The following CEP164 variants were observed in gnomAD, a reference collection of about 807,000 sequenced individuals.
CEP164 encodes centrosomal protein of 164 kDa.
A neutral mutation model predicts 182.7 loss-of-function variants in CEP164; 162 were observed. That is an observed-to-expected ratio of 0.89 (90% CI 0.78 to 1.01). The LOEUF is 1.01. Among genes scored for constraint, CEP164 ranks in the 50% least tolerant of loss-of-function variants. The probability of loss-of-function intolerance (pLI) is 0.00; values close to 1 mark genes in which losing one functional copy is unlikely to be tolerated. For synonymous variants in CEP164, 661 were observed against 690.0 expected (o/e 0.96, Z 0.66); for missense variants, 1,735 against 1,790.4 (o/e 0.97, Z 0.56).
At chr11:117,395,909 C>A in intron 24 of CEP164, 145 bp from the exon 25 acceptor site, 1 of 1,242,608 alleles carries the variant, frequency 8.0e-7, no homozygotes, top group Non-Finnish European at 1.1e-6. Context: ...AGCAGGGGAT[C>A]TCTGGTGCTA....
intron 5 of CEP164, chr11:117,355,510 TG>T: frequency 7.8e-7 from 1 of 1,287,924 alleles, no homozygotes; most frequent in South Asian, 1.2e-5. Context: ...CCACTGGCCC[TG>T]GAGGGGACAA....
chr11:117,348,721 A>G (rs1227235706), intron 4 of CEP164, among the ~76,000 whole-genome samples: 3 of 152,182 alleles, frequency 2.0e-5, no homozygotes, highest in African/African-American at 4.8e-5. Context: ...TTGCATGGCT[A>G]TCACTACCAT....
At chr11:117,387,124 T>A in intron 14 of CEP164, 79 bp from the exon 15 acceptor site, 2 of 1,275,924 alleles carry the variant, frequency 1.6e-6, no homozygotes, top group Non-Finnish European at 2.3e-6. Context: ...TCTGTGATGT[T>A]CCGTATCCAT....
At chr11:117,355,426 A>C in intron 5 of CEP164, 1 of 1,289,820 alleles carries the variant, frequency 7.8e-7, no homozygotes, top group Non-Finnish European at 1.0e-6. Flanking sequence ...CTGTCCACTC[A>C]AAGCTTTCTG....
In CEP164 at chr11:117,380,628, G is replaced by T; in HGVS notation, c.1332G>T (p.Leu444=). ...CTCTCCTACAGGCCCAGCAACCACT[G>T]GGAATAGAAGACAAGGATGACAGCC... ...GGACRQAQQP[L]GIEDKDDSQS... Residue 444 remains leucine (L), a synonymous_variant, in exon 12 of 33, where the codon CTG becomes CTT. Coordinates refer to ENST00000278935, the MANE Select transcript of CEP164 (RefSeq NM_014956.5). 6.2e-7 allele frequency: 1 copy of T among 1,603,484 alleles called. No homozygotes were observed. The highest frequency in any genetic ancestry group is 2.2e-5 in the East Asian group (1 of 44,586).
chr11:117,383,685 G>T (rs978489899), intron 14 of CEP164, among the ~76,000 whole-genome samples: 4 of 152,150 alleles, frequency 2.6e-5, no homozygotes, highest in African/African-American at 9.7e-5. Context: ...GGAAACTGAG[G>T]CTCAGAGAAG....
At chr11:117,361,429 A>G (rs923739996) in intron 5 of CEP164, among the ~76,000 whole-genome samples, 6 of 151,250 alleles carry the variant, frequency 4.0e-5, no homozygotes. Context: ...TTTAGTAGAG[A>G]CAGGGTTTCA....
chr11:117,386,575 T>C (rs950151719), intron 14 of CEP164: 70 of 153,110 alleles, frequency 4.6e-4, no homozygotes, highest in African/African-American at 1.6e-3. Context: ...CTCATGTGCA[T>C]GCTTGCTACA....
chr11:117,401,938 A>T (rs972096824), intron 27 of CEP164, among the ~76,000 whole-genome samples: 1 of 151,908 alleles, frequency 6.6e-6, no homozygotes, highest in African/African-American at 2.4e-5. Context: ...GGATTGATTG[A>T]TTTTTTTAAA....
chr11:117,356,999 G>A (rs1018431632), intron 5 of CEP164, among the ~76,000 whole-genome samples: 1 of 152,190 alleles, frequency 6.6e-6, no homozygotes, highest in Non-Finnish European at 1.5e-5. Flanking sequence ...TGATTCTAGA[G>A]AGAGGTCCTT....
rs1317701069 is a variant in CEP164 at position 117,402,475 on chromosome 11, TCCCAAAGTGTTGGGATTACAG to T, written c.3501+5166_3501+5186del. Among the ~76,000 whole-genome samples the T allele has an allele frequency of 7.2e-5, 11 of 152,304 alleles. No individual in the cohort carries two copies. The South Asian group carries it at 2.3e-3, about 32-fold the overall frequency. ...ACCTCATGATCCTCCTGGCTCGGCC[TCCCAAAGTGTTGGGATTACAG>T]CCCTGAGCCACCACACCCAGCCTTG... On this transcript the variant is annotated intron_variant, in intron 27 of 32. Transcript: ENST00000278935.
Position 117,411,092 on chromosome 11 carries a change from C to G in CEP164, c.4163+198C>G, listed in dbSNP as rs1042350432. 5.2e-6 allele frequency: 3 copies of G among 572,042 alleles called. No homozygotes were observed. The African/African-American group carries it at 5.6e-5, about 11-fold the overall frequency. 35.4% of individuals were successfully genotyped at this position (572,042 alleles called of 1,614,324 possible). The stretch of plus-strand genomic sequence containing the variant: ...TCCATGACCAGGGGAAAGTCAAGTT[C>G]ACACCGCCAAGGTCCCAGTGGGGAA... On this transcript the variant is annotated intron_variant, in intron 31 of 32. Transcript: ENST00000278935. The surrounding 1 kb of genome is among the most constrained non-coding windows in gnomAD (Gnocchi z 4.4).
chr11:117,412,018 G>A (rs2047412002), intron 32 of CEP164, 54 bp from the exon 33 acceptor site: 1 of 1,611,610 alleles, frequency 6.2e-7, no homozygotes, highest in Non-Finnish European at 8.5e-7. Flanking sequence ...ACCCTTTCAT[G>A]GCCCCTGCCT....
In CEP164 at chr11:117,394,226, G is replaced by C; in HGVS notation, c.2617-124G>C. The C allele has an allele frequency of 1.0e-5, 13 of 1,301,740 alleles. No individual in the cohort carries two copies. Among genetic ancestry groups the C allele is most frequent in the Non-Finnish European group, 1.3e-5 (12 of 947,196 alleles). The allele number at this position is 1,301,740 out of a possible 1,614,324, so 80.6% of individuals were successfully genotyped here. A position where few individuals can be genotyped will look rare whatever the true frequency, so the allele number is the denominator to read the frequency against. ...TAACCCTCCTCTTCTCCAAGAGCTG[G>C]CTTTAGGGAGCCGATGGTGTCCCTG... On this transcript the variant is annotated intron_variant, in intron 20 of 32. Transcript: ENST00000278935. This position sits in a 1 kb window ranked among gnomAD's most constrained non-coding sequence, Gnocchi z 4.0.
intron 30 of CEP164, chr11:117,410,369 T>C (rs2047215594): frequency 6.6e-6 from 2 of 301,750 alleles, no homozygotes; most frequent in Admixed American, 4.8e-5. Context: ...TTCTCTGAGG[T>C]AGTAATTATT....
At chr11:117,380,503 C>G in intron 11 of CEP164, 111 bp from the exon 12 acceptor site, 1 of 817,606 alleles carries the variant, frequency 1.2e-6, no homozygotes, top group South Asian at 1.6e-5. Flanking sequence ...GTCCCATCTT[C>G]TGGAGAGCAA....
chr11:117,412,417 G>A lies in CEP164; in HGVS notation c.*249G>A, dbSNP rs1217932296. On this transcript the variant is annotated 3_prime_UTR_variant, in exon 33 of 33. Transcript: ENST00000278935. Reference sequence around the variant, plus strand: ...TTGACATGGCAAGCTGATGGCGTGCGGTGGCTGCGGGGTATCAGGGCCGGG... The same window carrying A: ...TTGACATGGCAAGCTGATGGCGTGCAGTGGCTGCGGGGTATCAGGGCCGGG... 1.4e-5 allele frequency: 5 copies of A among 368,642 alleles called. No homozygotes were observed. The highest frequency in any genetic ancestry group is 5.5e-5 in the East Asian group (1 of 18,292). 22.8% of individuals were successfully genotyped at this position (368,642 alleles called of 1,614,324 possible). A position where few individuals can be genotyped will look rare whatever the true frequency, so the allele number is the denominator to read the frequency against.
At chr11:117,405,462 T>C (rs2046569879) in intron 27 of CEP164, among the ~76,000 whole-genome samples, 1 of 152,118 alleles carries the variant, frequency 6.6e-6, no homozygotes, top group Non-Finnish European at 1.5e-5. Flanking sequence ...TTGTTTTGGC[T>C]CGCCCTCCAT....
intron 5 of CEP164, among the ~76,000 whole-genome samples, chr11:117,357,162 T>G (rs1252144481): frequency 6.8e-6 from 1 of 147,370 alleles, no homozygotes; most frequent in African/African-American, 2.5e-5. Context: ...CAGTGGATCT[T>G]GGCTCACTGC....
Sources: gnomAD v4.1 joint callset for allele counts (sites outside exome capture counted in the v4.1 genomes callset) on GRCh38, gnomAD v4.1.1 for gene constraint, Gnocchi (gnomAD v3.1) non-coding constraint, MANE v1.5 for transcripts, NCBI Gene and HGNC (gene_info 2026-07-23, HGNC 2026-07-21) for gene names.